Variants in USF3 observed in about 807,000 individuals in gnomAD.
The protein encoded by USF3 is upstream transcription factor family member 3.
Under a neutral mutation model 157.5 loss-of-function variants are expected in USF3, and 29 were observed. The ratio of observed to expected loss-of-function variants is 0.18; its 90% confidence interval spans 0.14 to 0.25. The LOEUF (loss-of-function observed/expected upper bound fraction) is 0.25. Among genes scored for constraint, USF3 ranks in the 10% least tolerant of loss-of-function variants. The probability of loss-of-function intolerance (pLI) is 1.00; values close to 1 mark genes in which losing one functional copy is unlikely to be tolerated. For missense variants in USF3, 2,381 were observed against 2,667.6 expected (o/e 0.89, Z 2.37); for synonymous variants, 893 against 941.4 (o/e 0.95, Z 0.94).
chr3:113,650,020 C>T lies in USF3; in HGVS notation c.*4924G>A. 1 of 605,714 alleles carries T rather than the reference C, an allele frequency of 1.7e-6. No individual in the cohort carries two copies. Among genetic ancestry groups the T allele is most frequent in the Non-Finnish European group, 2.9e-6 (1 of 340,424 alleles). 37.5% of individuals were successfully genotyped at this position (605,714 alleles called of 1,614,324 possible). On this transcript the variant is annotated 3_prime_UTR_variant, in exon 7 of 7. Transcript: ENST00000316407. The stretch of plus-strand genomic sequence containing the variant: ...ATAAGTATCATAAAATCATCACTCA[C>T]AGATTAACTTCACTAGTTTGTCTGG...
Position 113,657,864 on chromosome 3 carries a change from A to G in USF3, c.3818T>C (p.Val1273Ala), listed in dbSNP as rs1362801467. 1.2e-6 allele frequency: 2 copies of G among 1,614,034 alleles called. No homozygotes were observed. The highest frequency in any genetic ancestry group is 2.7e-5 in the African/African-American group (2 of 74,916). Residue 1273 changes from valine to alanine, a missense_variant, in exon 7 of 7, where the codon GTT becomes GCT. By Grantham distance (64) the Val-to-Ala change is moderately conservative. Transcript: ENST00000316407. ...TSEQTTVPATVNLTVSSSSYG... is the reference protein window; with the variant it reads ...TSEQTTVPATANLTVSSSSYG... ...GGAGCTAGATGAAACGGTCAGATTAACCGTTGCAGGCACAGTTGTTTGCTC... is the reference window on the plus strand; with the variant it reads ...GGAGCTAGATGAAACGGTCAGATTAGCCGTTGCAGGCACAGTTGTTTGCTC...
chr3:113,669,314 T>TA (rs77336911), intron 5 of USF3, among the ~76,000 whole-genome samples: 1,565 of 140,480 alleles, frequency 0.011, 15 homozygotes, highest in African/African-American at 0.035. Context: ...AATATAACAG[T>TA]AAAAAAAAAA....
intron 3 of USF3, among the ~76,000 whole-genome samples, chr3:113,674,533 G>T (rs1256339769): frequency 3.3e-5 from 5 of 152,166 alleles, no homozygotes; most frequent in Admixed American, 3.3e-4. Context: ...AGTAGAGATG[G>T]GGTTTCATCA....
chr3:113,680,498 TTTTG>T (rs1271565173), intron 1 of USF3, among the ~76,000 whole-genome samples: 3 of 152,176 alleles, frequency 2.0e-5, no homozygotes, highest in Non-Finnish European at 4.4e-5. Context: ...GGTTTGTTGA[TTTTG>T]TTTATCTTTT....
chr3:113,682,317 CCT>C (rs932041365), intron 1 of USF3, among the ~76,000 whole-genome samples: 14 of 151,772 alleles, frequency 9.2e-5, no homozygotes, highest in Admixed American at 7.9e-4. Flanking sequence ...AGAGTGAGAC[CCT>C]GTCTTGCAAA....
rs776306324 is a variant in USF3 at position 113,656,256 on chromosome 3, C to G, written c.5426G>C (p.Arg1809Thr). The G allele has an allele frequency of 6.2e-7, 1 of 1,614,036 alleles. No individual in the cohort carries two copies. The highest frequency in any genetic ancestry group is 1.3e-5 in the African/African-American group (1 of 74,914). Residue 1809 changes from arginine to threonine, a missense_variant, in exon 7 of 7, where the codon AGG becomes ACG. Around this residue, in one of 6 missense-constraint regions of USF3, gnomAD observed 770 missense variants for 824.2 expected, o/e 0.93. Transcript: ENST00000316407. ...TTGGTGACAAGTATTTTCACTGTCC[C>G]TTGATGGAATACCATTTCCTGTTGG... The part of the protein sequence containing the change: ...SIPTGNGIPS[R>T]DSENTCHQSF...
intron 1 of USF3, among the ~76,000 whole-genome samples, chr3:113,688,159 C>T (rs998060365): frequency 6.6e-6 from 1 of 151,952 alleles, no homozygotes; most frequent in Non-Finnish European, 1.5e-5. Context: ...CACCCTGTCG[C>T]CCAAACTGGA....
chr3:113,672,406 A>G (rs1190650145), intron 4 of USF3, among the ~76,000 whole-genome samples: 1 of 152,090 alleles, frequency 6.6e-6, no homozygotes, highest in East Asian at 1.9e-4. Context: ...GATTACAGGC[A>G]TGAACCACCA....
chr3:113,670,524 C>T (rs1045284548), intron 4 of USF3, among the ~76,000 whole-genome samples: 2 of 151,156 alleles, frequency 1.3e-5, no homozygotes, highest in East Asian at 2.0e-4. Context: ...GCTTGAAACC[C>T]GGGAGATGGA....
rs772799656 is a variant in USF3 at position 113,657,599 on chromosome 3, G to T, written c.4083C>A (p.Ser1361Arg). Reference sequence around the variant, plus strand: ...GGTCAGAAATGGTGTCTGGAGTTCTGCTCATCAGGGACATACTTTCAAGCC... The same window carrying T: ...GGTCAGAAATGGTGTCTGGAGTTCTTCTCATCAGGGACATACTTTCAAGCC... ...PLRLESMSLM[S>R]RTPDTISDQT... Residue 1361 changes from serine to arginine, a missense_variant, in exon 7 of 7, where the codon AGC (serine) becomes AGA (arginine). Around this residue, in one of 6 missense-constraint regions of USF3, gnomAD observed 1,435 missense variants for 1,550.9 expected, o/e 0.93. Coordinates refer to ENST00000316407, the MANE Select transcript of USF3 (RefSeq NM_001009899.4). 1 of 1,614,208 alleles carries T rather than the reference G, an allele frequency of 6.2e-7. No homozygotes were observed. The highest frequency in any genetic ancestry group is 1.1e-5 in the South Asian group (1 of 91,084).
intron 1 of USF3, among the ~76,000 whole-genome samples, chr3:113,682,890 G>A (rs2107954483): frequency 1.4e-5 from 2 of 147,880 alleles, no homozygotes; most frequent in Admixed American, 6.7e-5. Context: ...CAGATCGCTG[G>A]GCTTTTTTTT....
chr3:113,682,366 C>T (rs755196510), intron 1 of USF3, among the ~76,000 whole-genome samples: 5 of 151,794 alleles, frequency 3.3e-5, no homozygotes, highest in Non-Finnish European at 7.4e-5. Context: ...AAAAAAACAC[C>T]ACTTGCTTTG....
chr3:113,657,363 G>A lies in USF3; in HGVS notation c.4319C>T (p.Ala1440Val), dbSNP rs757433277. ...TTGAGCTGGAACATGCTGCTGCAGG[G>A]CCTGTAGATGCTGACTTGCCTGGGT... is the stretch of plus-strand genomic sequence containing the variant. ...QQTQASQHLQ[A>V]LQQHVPAQGV... The change falls in exon 7 of 7, where the codon GCC becomes GTC. Residue 1440 changes from alanine to valine, a missense_variant. Coordinates refer to ENST00000316407, the MANE Select transcript of USF3 (RefSeq NM_001009899.4). 9.3e-6 allele frequency: 15 copies of A among 1,614,006 alleles called. No individual in the cohort carries two copies. In the East Asian group the frequency reaches 1.1e-4, roughly 12 times the overall value.
At chr3:113,695,597 C>G (rs1707780408) in intron 1 of USF3, among the ~76,000 whole-genome samples, 1 of 152,138 alleles carries the variant, frequency 6.6e-6, no homozygotes, top group African/African-American at 2.4e-5. Context: ...GTTACAAGAA[C>G]GGAAGTTGAA....
At chr3:113,662,396 T>G (rs1448851599) in intron 6 of USF3, among the ~76,000 whole-genome samples, 1 of 152,194 alleles carries the variant, frequency 6.6e-6, no homozygotes, top group Non-Finnish European at 1.5e-5. Flanking sequence ...CAGGCTTAGC[T>G]GCTGGTATAT....
Position 113,656,884 on chromosome 3 carries a change from T to C in USF3, c.4798A>G (p.Ile1600Val), listed in dbSNP as rs1035196852. The stretch of plus-strand genomic sequence containing the variant: ...CCAACATCCTGCTGTTGGTGCATAA[T>C]ATCTTGATTGAGATGGTTCTGGGGA... ...NHPQNHLNQD[I>V]MHQQQDVGSR... is the part of the protein sequence containing the mutation. Residue 1600 changes from isoleucine (I) to valine (V), a missense_variant, in exon 7 of 7, where the codon ATT becomes GTT. Physicochemically the swap from Ile to Val is conservative, Grantham distance 29. Around this residue, in one of 6 missense-constraint regions of USF3, gnomAD observed 770 missense variants for 824.2 expected, o/e 0.93. Transcript: ENST00000316407. The C allele has an allele frequency of 3.1e-6, 5 of 1,614,224 alleles. No individual in the cohort carries two copies. The Admixed American group carries it at 8.3e-5, about 27-fold the overall frequency.
Position 113,655,417 on chromosome 3 carries a change from G to A in USF3, c.6265C>T (p.Gln2089Ter). Residue 2089 changes from glutamine (Q) to a stop codon, truncating the protein, a stop_gained, in exon 7 of 7, where the codon CAG becomes TAG. Transcript: ENST00000316407. LOFTEE classifies it high-confidence loss of function. Reference protein sequence around the residue: ...ANASFIPQVTQPSATRTPALI... With the variant: ...ANASFIPQVT ...GCTGGAGTTCGAGTGGCACTAGGCT[G>A]AGTAACCTGTGGAATGAAAGAAGCA... 6.2e-7 allele frequency: 1 copy of A among 1,614,180 alleles called. No homozygotes were observed. Among genetic ancestry groups the A allele is most frequent in the East Asian group, 2.2e-5 (1 of 44,884 alleles).
Position 113,656,378 on chromosome 3 carries a change from C to A in USF3, c.5304G>T (p.Arg1768=). ...TTCGAAAAGCCTGGGACTGCATACTCCGCAATGATGATACAGGGTTACCTA... is the reference window on the plus strand; with the variant it reads ...TTCGAAAAGCCTGGGACTGCATACTACGCAATGATGATACAGGGTTACCTA... ...NEIGNPVSSL[R]SMQSQAFRIS... Residue 1768 remains arginine (R), a synonymous_variant, in exon 7 of 7, where the codon CGG becomes CGT. Transcript: ENST00000316407. 1.2e-6 allele frequency: 2 copies of A among 1,614,164 alleles called. No homozygotes were observed. The highest frequency in any genetic ancestry group is 1.7e-6 in the Non-Finnish European group (2 of 1,180,038).
rs766315966 is a variant in USF3, at chr3:113,649,858, T to C, written c.*5086A>G. 4.3e-6 allele frequency: 3 copies of C among 702,846 alleles called. No individual in the cohort carries two copies. The South Asian group carries it at 4.4e-5, about 10-fold the overall frequency. 43.5% of individuals were successfully genotyped at this position (702,846 alleles called of 1,614,324 possible). On this transcript the variant is annotated 3_prime_UTR_variant, in exon 7 of 7. Coordinates refer to ENST00000316407, the MANE Select transcript of USF3 (RefSeq NM_001009899.4). ...ACAGGTTCTAGTAGAAACCTACGCA[T>C]GAAGAATAGAATGCAGACAGAATAT...
Sources: allele counts gnomAD v4.1 joint callset (sites outside exome capture counted in the v4.1 genomes callset), GRCh38; gene constraint gnomAD v4.1.1; regional missense constraint gnomAD v4.1.1; transcripts MANE v1.5; gene names NCBI Gene and HGNC (gene_info 2026-07-23, HGNC 2026-07-21).